Variants in MICU1 observed in about 807,000 individuals in gnomAD.
The protein encoded by MICU1 is calcium uptake protein 1, mitochondrial.
MICU1 carries 45 observed loss-of-function variants against 56.8 expected under a neutral mutation model. The ratio of observed to expected loss-of-function variants is 0.79; its 90% confidence interval spans 0.62 to 1.02. MICU1 has a LOEUF of 1.02. MICU1 is among the 50% of genes least tolerant of loss of function. MICU1 has a pLI of 0.00. For missense variants in MICU1, 504 were observed against 587.1 expected, an observed-to-expected ratio of 0.86 and a Z score of 1.46; for synonymous variants, 186 against 195.1, an observed-to-expected ratio of 0.95 and a Z score of 0.39.
At chr10:72,448,543 A>C (rs1480478949) in intron 8 of MICU1, among the ~76,000 whole-genome samples, 16 of 152,122 alleles carry the variant, frequency 1.1e-4, no homozygotes, top group Non-Finnish European at 1.9e-4. Flanking sequence ...GGAGAGCTAG[A>C]GATTGGAACA....
At chr10:72,547,281 C>G (rs1185984016) in intron 4 of MICU1, among the ~76,000 whole-genome samples, 1 of 152,008 alleles carries the variant, frequency 6.6e-6, no homozygotes, top group African/African-American at 2.4e-5. Flanking sequence ...TCAAGCGGTC[C>G]TCCTGCCATA....
intron 6 of MICU1, among the ~76,000 whole-genome samples, chr10:72,482,145 A>G (rs763976465): frequency 2.6e-5 from 4 of 152,174 alleles, no homozygotes; most frequent in East Asian, 1.9e-4. Flanking sequence ...TTTCATGGCT[A>G]TTTCTCTCAC....
intron 5 of MICU1, among the ~76,000 whole-genome samples, chr10:72,531,930 TC>T (rs1369183862): frequency 6.7e-6 from 1 of 149,574 alleles, no homozygotes; most frequent in Non-Finnish European, 1.5e-5. Context: ...AGACGGAGTC[TC>T]GCTCTGTTGC....
Position 72,621,423 on chromosome 10 carries a change from C to T in MICU1, c.-2+4587G>A, listed in dbSNP as rs1417600773. Reference sequence around the variant, plus strand: ...AGGAGAATTGCTTGAACCCAAGAGGCGGAGGTTGCAGTGAGCCAAGAACGC... The same window carrying T: ...AGGAGAATTGCTTGAACCCAAGAGGTGGAGGTTGCAGTGAGCCAAGAACGC... On this transcript the variant is annotated intron_variant, in intron 1 of 11. Coordinates refer to ENST00000361114, the MANE Select transcript of MICU1 (RefSeq NM_001195518.2). Among the ~76,000 whole-genome samples, 5 of 152,054 alleles carry T rather than the reference C, an allele frequency of 3.3e-5. No individual in the cohort carries two copies. In the East Asian group the frequency reaches 5.8e-4, roughly 18 times the overall value.
chr10:72,495,094 G>C (rs916977347), intron 6 of MICU1, among the ~76,000 whole-genome samples: 1 of 152,188 alleles, frequency 6.6e-6, no homozygotes, highest in Non-Finnish European at 1.5e-5. Flanking sequence ...GATTTCCCAA[G>C]AGTTCCTGGG....
At chr10:72,573,228 G>A (rs902565875) in intron 1 of MICU1, among the ~76,000 whole-genome samples, 1 of 147,174 alleles carries the variant, frequency 6.8e-6, no homozygotes. Context: ...CCAGCAGTTT[G>A]GAAGGCCAAT....
chr10:72,458,992 G>A (rs959239192), intron 8 of MICU1, among the ~76,000 whole-genome samples: 4 of 150,616 alleles, frequency 2.7e-5, no homozygotes, highest in South Asian at 2.1e-4. Flanking sequence ...GTCTTCCAAA[G>A]TGCTGGGATT....
intron 8 of MICU1, among the ~76,000 whole-genome samples, chr10:72,461,151 C>T (rs1388769070): frequency 1.3e-5 from 2 of 152,136 alleles, no homozygotes; most frequent in East Asian, 3.9e-4. Flanking sequence ...TCTTTGCAGA[C>T]CTGTCCCTGA....
intron 8 of MICU1, among the ~76,000 whole-genome samples, chr10:72,444,646 C>T (rs760020265): frequency 5.9e-5 from 9 of 152,012 alleles, no homozygotes; most frequent in Non-Finnish European, 1.0e-4. Context: ...GACAGGGTTT[C>T]GCCATGTTGG....
intron 1 of MICU1, among the ~76,000 whole-genome samples, chr10:72,593,579 A>T (rs991875448): frequency 1.3e-5 from 2 of 152,148 alleles, no homozygotes; most frequent in African/African-American, 4.8e-5. Flanking sequence ...AAAATTATCA[A>T]ATTATCTCTT....
At chr10:72,515,998 T>C (rs1867634509) in intron 5 of MICU1, among the ~76,000 whole-genome samples, 1 of 152,220 alleles carries the variant, frequency 6.6e-6, no homozygotes, top group Admixed American at 6.5e-5. Flanking sequence ...CATCAGTAGT[T>C]CACTTTTATT....
At chr10:72,550,952 A>AG (rs913530656) in intron 4 of MICU1, among the ~76,000 whole-genome samples, 27 of 152,290 alleles carry the variant, frequency 1.8e-4, no homozygotes, top group African/African-American at 6.5e-4. Context: ...TCTCAACCAG[A>AG]GGGGGACAAT....
chr10:72,524,973 T>C (rs573923420), intron 5 of MICU1, among the ~76,000 whole-genome samples: 1 of 152,202 alleles, frequency 6.6e-6, no homozygotes, highest in South Asian at 2.1e-4. Context: ...TTTCTATATA[T>C]AATATTTTTT....
chr10:72,462,901 T>C (rs1865680906), intron 8 of MICU1, among the ~76,000 whole-genome samples: 1 of 152,232 alleles, frequency 6.6e-6, no homozygotes, highest in Non-Finnish European at 1.5e-5. Flanking sequence ...TTTTATCTTG[T>C]GGCCAGTTTC....
chr10:72,597,153 C>A (rs1377843499), intron 1 of MICU1, among the ~76,000 whole-genome samples: 1 of 152,070 alleles, frequency 6.6e-6, no homozygotes, highest in African/African-American at 2.4e-5. Context: ...TGGCATTTTC[C>A]GTTTATAAAC....
Position 72,569,237 on chromosome 10 carries a change from A to ATATT in MICU1, c.-1-2444_-1-2443insAATA. The stretch of plus-strand genomic sequence containing the variant: ...TATATATATATATATATATATATAT[A>ATATT]TTTTTTTTTTTTTTTGAGATGGCGT... On this transcript the variant is annotated intron_variant, in intron 1 of 11. Coordinates refer to ENST00000361114, the MANE Select transcript of MICU1 (RefSeq NM_001195518.2). Among the ~76,000 whole-genome samples the ATATT allele has an allele frequency of 7.9e-3, 270 of 34,352 alleles. 28 individuals are homozygous for ATATT. The East Asian group carries it at 0.11, about 14-fold the overall frequency. The allele number at this position is 34,352 out of a possible 152,430, so 22.5% of individuals were successfully genotyped here.
chr10:72,571,357 C>T (rs1278299115), intron 1 of MICU1, among the ~76,000 whole-genome samples: 1 of 152,122 alleles, frequency 6.6e-6, no homozygotes, highest in Non-Finnish European at 1.5e-5. Flanking sequence ...GAGTAAGACC[C>T]TACCTCAAAA....
chr10:72,559,720 T>C (rs1002781183), intron 3 of MICU1, among the ~76,000 whole-genome samples: 1 of 151,858 alleles, frequency 6.6e-6, no homozygotes, highest in Non-Finnish European at 1.5e-5. Context: ...AAAAGAAAAG[T>C]GAGAATGTGA....
chr10:72,555,646 G>C (rs913347477), intron 3 of MICU1, among the ~76,000 whole-genome samples: 1 of 152,206 alleles, frequency 6.6e-6, no homozygotes. Flanking sequence ...TGGTTCAAGA[G>C]GAGTTACACT....
Sources: gnomAD v4.1 joint callset for allele counts (sites outside exome capture counted in the v4.1 genomes callset) on GRCh38, gnomAD v4.1.1 for gene constraint, MANE v1.5 for transcripts, NCBI Gene and HGNC (gene_info 2026-07-23, HGNC 2026-07-21) for gene names.